SNX24: variants seen among roughly 807,000 people sequenced by gnomAD.
The protein encoded by SNX24 is sorting nexin 24, also known as sorting nexin-24.
SNX24 carries 22 observed loss-of-function variants against 28.7 expected under a neutral mutation model. The observed-to-expected ratio is 0.77, with a 90% CI of 0.55 to 1.10. SNX24 has a LOEUF of 1.10. Among genes scored for constraint, SNX24 ranks in the 50% least tolerant of loss-of-function variants. The pLI is 0.00. For synonymous variants in SNX24, 69 were observed against 71.5 expected, an observed-to-expected ratio of 0.96 and a Z score of 0.18; for missense variants, 221 against 201.1, an observed-to-expected ratio of 1.10 and a Z score of -0.60.
At chr5:122,932,340 T>G (rs925867769) in intron 1 of SNX24, among the ~76,000 whole-genome samples, 3 of 152,156 alleles carry the variant, frequency 2.0e-5, no homozygotes, top group Non-Finnish European at 4.4e-5. Context: ...AATAGAAAAC[T>G]AAACAGGCAA....
chr5:122,930,938 C>A (rs764166973), intron 1 of SNX24, among the ~76,000 whole-genome samples: 1 of 152,024 alleles, frequency 6.6e-6, no homozygotes, highest in Non-Finnish European at 1.5e-5. Context: ...TGAATCATGT[C>A]GTTTTGTTAA....
intron 1 of SNX24, among the ~76,000 whole-genome samples, chr5:122,885,471 T>C (rs373750284): frequency 6.6e-6 from 1 of 152,316 alleles, no homozygotes; most frequent in Admixed American, 6.5e-5. Context: ...GCTTTGAGAA[T>C]GGTGGCTTCC....
intron 1 of SNX24, among the ~76,000 whole-genome samples, chr5:122,851,546 A>G (rs1287391608): frequency 2.0e-5 from 3 of 152,218 alleles, no homozygotes; most frequent in Non-Finnish European, 4.4e-5. Context: ...GCGTGACTGC[A>G]TGTGTTATGC....
rs866104784 is a variant in SNX24, at chr5:122,919,442, A to G, written c.61-17292A>G. On this transcript the variant is annotated intron_variant, in intron 1 of 6. Transcript: ENST00000261369. ...GAAGTGGGAATATCTTTGAATTTAA[A>G]AAAAGTACAAAACTCATTTAGGGTC... Among the ~76,000 whole-genome samples, 15 of 152,348 alleles carry G rather than the reference A, an allele frequency of 9.8e-5. 2 individuals are homozygous for G. In the South Asian group the frequency reaches 2.5e-3, roughly 25 times the overall value.
chr5:122,917,716 GT>G (rs1338093803), intron 1 of SNX24, among the ~76,000 whole-genome samples: 3 of 152,200 alleles, frequency 2.0e-5, no homozygotes, highest in Non-Finnish European at 4.4e-5. Context: ...TGTCAACTAA[GT>G]AAATGTAAGA....
At chr5:122,873,546 G>T (rs916918604) in intron 1 of SNX24, among the ~76,000 whole-genome samples, 2 of 152,112 alleles carry the variant, frequency 1.3e-5, no homozygotes, top group African/African-American at 4.8e-5. Context: ...TGTAAGAGGT[G>T]GCAGTAGATG....
chr5:122,928,240 C>G (rs1363488555), intron 1 of SNX24, among the ~76,000 whole-genome samples: 2 of 152,106 alleles, frequency 1.3e-5, no homozygotes, highest in African/African-American at 4.8e-5. Context: ...GGACCAACCT[C>G]CTCCCATCCC....
chr5:122,995,874 C>T (rs897919741), intron 3 of SNX24, among the ~76,000 whole-genome samples: 3 of 152,168 alleles, frequency 2.0e-5, no homozygotes, highest in Non-Finnish European at 4.4e-5. Context: ...CATCGCTACC[C>T]TGCAGTTCAG....
At chr5:122,878,156 T>A (rs1448808133) in intron 1 of SNX24, among the ~76,000 whole-genome samples, 1 of 151,600 alleles carries the variant, frequency 6.6e-6, no homozygotes, top group Non-Finnish European at 1.5e-5. Context: ...GGACCCGGGG[T>A]GGGAAAATGG....
chr5:122,898,595 A>G lies in SNX24; in HGVS notation c.61-38139A>G, dbSNP rs556122671. Among the ~76,000 whole-genome samples, 12 of 152,274 alleles carry G rather than the reference A, an allele frequency of 7.9e-5. No individual in the cohort carries two copies. In the South Asian group the frequency reaches 2.1e-3, roughly 26 times the overall value. Reference sequence around the variant, plus strand: ...GAGTTCTTTGGTCTGGGAAAGGAGAAGTGTTGTTGTATAGGTTAAGTGTAG... The same window carrying G: ...GAGTTCTTTGGTCTGGGAAAGGAGAGGTGTTGTTGTATAGGTTAAGTGTAG... On this transcript the variant is annotated intron_variant, in intron 1 of 6. Coordinates refer to ENST00000261369, the MANE Select transcript of SNX24 (RefSeq NM_014035.4).
At chr5:122,972,899 G>A (rs1192465367) in intron 3 of SNX24, among the ~76,000 whole-genome samples, 2 of 152,176 alleles carry the variant, frequency 1.3e-5, no homozygotes, top group African/African-American at 4.8e-5. Context: ...CTCAGTGGTG[G>A]CCATAGCTAG....
intron 2 of SNX24, among the ~76,000 whole-genome samples, chr5:122,941,445 C>G (rs1759440825): frequency 6.6e-6 from 1 of 152,152 alleles, no homozygotes; most frequent in South Asian, 2.1e-4. Context: ...TGTCGAATGT[C>G]TTTTCCTGTG....
intron 1 of SNX24, among the ~76,000 whole-genome samples, chr5:122,897,031 C>G (rs767013434): frequency 1.3e-5 from 2 of 152,206 alleles, no homozygotes; most frequent in Admixed American, 6.5e-5. Flanking sequence ...GTGAGCTTTC[C>G]TCTTGCTTCT....
chr5:122,964,280 A>G (rs1554076478), intron 3 of SNX24, among the ~76,000 whole-genome samples: 1 of 150,092 alleles, frequency 6.7e-6, no homozygotes, highest in Non-Finnish European at 1.5e-5. Flanking sequence ...AAAGAACAAT[A>G]GTTCTGAATC....
intron 1 of SNX24, among the ~76,000 whole-genome samples, chr5:122,871,505 C>T (rs991152341): frequency 2.0e-5 from 3 of 152,134 alleles, no homozygotes; most frequent in South Asian, 2.1e-4. Context: ...CGGTGGCTCA[C>T]GCCTGTAATC....
chr5:122,937,641 T>C (rs1384801358), intron 2 of SNX24, among the ~76,000 whole-genome samples: 2 of 152,204 alleles, frequency 1.3e-5, no homozygotes, highest in Non-Finnish European at 2.9e-5. Flanking sequence ...TGAGACTGTT[T>C]CCTTCTCTTT....
intron 1 of SNX24, among the ~76,000 whole-genome samples, chr5:122,936,468 A>C (rs1187368386): frequency 6.6e-6 from 1 of 152,142 alleles, no homozygotes; most frequent in Non-Finnish European, 1.5e-5. Context: ...TATTTTATTA[A>C]AAAATTAGGT....
chr5:122,972,106 A>G (rs1382701763), intron 3 of SNX24, among the ~76,000 whole-genome samples: 1 of 152,180 alleles, frequency 6.6e-6, no homozygotes, highest in African/African-American at 2.4e-5. Flanking sequence ...AGTCACCCCA[A>G]CCAACACTGT....
intron 1 of SNX24, among the ~76,000 whole-genome samples, chr5:122,866,644 T>A (rs1295998351): frequency 6.6e-6 from 1 of 152,168 alleles, no homozygotes; most frequent in African/African-American, 2.4e-5. Context: ...TACAGTAATA[T>A]TAATACTATG....
Sources: allele counts gnomAD v4.1 joint callset (sites outside exome capture counted in the v4.1 genomes callset), GRCh38; gene constraint gnomAD v4.1.1; transcripts MANE v1.5; gene names NCBI Gene and HGNC (gene_info 2026-07-23, HGNC 2026-07-21).